SNX29: variants seen among roughly 807,000 people sequenced by gnomAD.
SNX29 encodes sorting nexin 29, also known as sorting nexin-29.
In SNX29, 78 loss-of-function variants were observed where a neutral mutation model predicts 102.1. That is an observed-to-expected ratio of 0.76 (90% CI 0.64 to 0.92). SNX29 has a LOEUF of 0.92. Among genes scored for constraint, SNX29 ranks in the 40% least tolerant of loss-of-function variants. SNX29 has a pLI of 0.00. For synonymous variants in SNX29, 580 were observed against 414.5 expected (o/e 1.40, Z -4.85); for missense variants, 1,280 against 1,061.7 (o/e 1.21, Z -2.86).
At chr16:12,535,901 G>A (rs1324328018) in intron 20 of SNX29, among the ~76,000 whole-genome samples, 12 of 152,158 alleles carry the variant, frequency 7.9e-5, no homozygotes, top group Non-Finnish European at 5.9e-5. Context: ...CCTTCTTTGA[G>A]GTTAATTGAA....
chr16:12,232,205 T>C (rs1013888649), intron 14 of SNX29, among the ~76,000 whole-genome samples: 13 of 152,154 alleles, frequency 8.5e-5, no homozygotes, highest in Admixed American at 1.3e-4. Flanking sequence ...GAAGATGCAT[T>C]TGTAGGCCAT....
At chr16:12,023,482 G>A (rs1034514894) in intron 3 of SNX29, among the ~76,000 whole-genome samples, 11 of 151,142 alleles carry the variant, frequency 7.3e-5, no homozygotes, top group Non-Finnish European at 1.5e-4. Context: ...GTAGGCTGAG[G>A]TGGGAGGATC....
chr16:12,069,123 T>C lies in SNX29; in HGVS notation c.1310T>C (p.Leu437Pro). ...GACCACGTTCTCCCAGATCCTGGACTTCGGTACAGGTTAATATTGAGAAAC... is the reference window on the plus strand; with the variant it reads ...GACCACGTTCTCCCAGATCCTGGACCTCGGTACAGGTTAATATTGAGAAAC... ...PEDHVLPDPG[L>P]RYSVEASSPG... Residue 437 changes from leucine (L) to proline (P), a missense_variant, in exon 10 of 21, where the codon CTT becomes CCT. Transcript: ENST00000566228. 2 of 1,613,328 alleles carry C rather than the reference T, an allele frequency of 1.2e-6. No homozygotes were observed. Among genetic ancestry groups the C allele is most frequent in the Admixed American group, 1.7e-5 (1 of 59,968 alleles).
chr16:12,481,469 C>CAT (rs917444093), intron 19 of SNX29, among the ~76,000 whole-genome samples: 1 of 90,072 alleles, frequency 1.1e-5, no homozygotes, highest in Non-Finnish European at 2.6e-5. Flanking sequence ...TATATATACA[C>CAT]ATATATACAC....
chr16:12,291,252 C>T (rs901247290), intron 15 of SNX29, among the ~76,000 whole-genome samples: 2 of 152,162 alleles, frequency 1.3e-5, no homozygotes, highest in Admixed American at 1.3e-4. Context: ...AATGGACTCA[C>T]AGTTCCACAT....
Position 11,999,161 on chromosome 16 carries a change from C to G in SNX29, c.8-136C>G, listed in dbSNP as rs971692533. ...GCAGTAACAGGCAATAGCCAAACTT[C>G]ATTGTAATGATACAGATTATTGATA... On this transcript the variant is annotated intron_variant, in intron 1 of 20. Transcript: ENST00000566228. 5 of 740,030 alleles carry G rather than the reference C, an allele frequency of 6.8e-6. No homozygotes were observed. In the African/African-American group the frequency reaches 8.9e-5, roughly 13 times the overall value. 45.8% of individuals were successfully genotyped at this position (740,030 alleles called of 1,614,324 possible).
chr16:12,040,776 G>A (rs1348644587), intron 4 of SNX29, among the ~76,000 whole-genome samples: 1 of 152,164 alleles, frequency 6.6e-6, no homozygotes, highest in Non-Finnish European at 1.5e-5. Context: ...AATGAATCAG[G>A]ATACAAAATT....
chr16:12,011,426 C>T (rs1044289025), intron 3 of SNX29, among the ~76,000 whole-genome samples: 2 of 151,764 alleles, frequency 1.3e-5, no homozygotes, highest in African/African-American at 4.8e-5. Flanking sequence ...AGGGGTGTGT[C>T]ACCACACCCA....
At chr16:12,480,155 T>G (rs964631380) in intron 19 of SNX29, among the ~76,000 whole-genome samples, 10 of 152,230 alleles carry the variant, frequency 6.6e-5, no homozygotes, top group African/African-American at 2.4e-4. Flanking sequence ...CTCTTACTGC[T>G]GTCACAAATC....
At chr16:12,504,678 A>T (rs1357772617) in intron 19 of SNX29, among the ~76,000 whole-genome samples, 1 of 152,220 alleles carries the variant, frequency 6.6e-6, no homozygotes, top group Admixed American at 6.5e-5. Context: ...TTTTATTGTA[A>T]TATATCGTTA....
intron 1 of SNX29, among the ~76,000 whole-genome samples, chr16:11,995,435 C>G (rs887874828): frequency 2.0e-5 from 3 of 152,094 alleles, no homozygotes; most frequent in Non-Finnish European, 4.4e-5. Flanking sequence ...TCAAGATTAT[C>G]TCACTTGACA....
chr16:12,286,399 G>A (rs1042232365), intron 15 of SNX29, among the ~76,000 whole-genome samples: 5 of 148,534 alleles, frequency 3.4e-5, no homozygotes, highest in Non-Finnish European at 7.4e-5. Context: ...AGGCTGGAGT[G>A]CAGTGGTGTG....
chr16:12,509,788 C>CACATGAGTGGCG (rs2089528614), intron 19 of SNX29, among the ~76,000 whole-genome samples: 1 of 152,136 alleles, frequency 6.6e-6, no homozygotes, highest in Non-Finnish European at 1.5e-5. Flanking sequence ...ATAGATCCAC[C>CACATGAGTGGCG]CCTCCATTCC....
At chr16:12,068,227 A>C (rs1438925155) in intron 9 of SNX29, among the ~76,000 whole-genome samples, 2 of 152,124 alleles carry the variant, frequency 1.3e-5, no homozygotes, top group East Asian at 3.9e-4. Context: ...CTGTAATCCC[A>C]GCACTTTGGG....
At chr16:12,467,066 A>G (rs2087088477) in intron 18 of SNX29, among the ~76,000 whole-genome samples, 1 of 152,166 alleles carries the variant, frequency 6.6e-6, no homozygotes, top group Non-Finnish European at 1.5e-5. Context: ...AGTGATGCGA[A>G]GATGTGGGCC....
At chr16:12,482,643 T>C (rs1344991218) in intron 19 of SNX29, among the ~76,000 whole-genome samples, 1 of 152,228 alleles carries the variant, frequency 6.6e-6, no homozygotes, top group East Asian at 1.9e-4. Context: ...TCTTAAGCCT[T>C]GAACCCATTA....
chr16:12,377,770 T>C (rs1383425557), intron 16 of SNX29, among the ~76,000 whole-genome samples: 2 of 152,102 alleles, frequency 1.3e-5, no homozygotes, highest in African/African-American at 2.4e-5. Flanking sequence ...ATTTAGCCCA[T>C]GTGTGTTGAG....
chr16:12,572,224 T>C lies in SNX29; in HGVS notation c.*3595T>C, dbSNP rs953568173. On this transcript the variant is annotated 3_prime_UTR_variant, in exon 21 of 21. Transcript: ENST00000566228. The stretch of plus-strand genomic sequence containing the variant: ...TTGTGCTTTAAAAACCAGAGGCTCC[T>C]GAAAGTCGTTTACACCAGGTGGATT... The C allele has an allele frequency of 2.0e-6, 2 of 1,016,872 alleles. No homozygotes were observed. The highest frequency in any genetic ancestry group is 1.0e-4 in the East Asian group (2 of 19,482). 63.0% of individuals were successfully genotyped at this position (1,016,872 alleles called of 1,614,324 possible).
Position 12,329,894 on chromosome 16 carries a change from C to T in SNX29, c.1783-26269C>T, listed in dbSNP as rs141298428. 9.2e-5 allele frequency among the ~76,000 whole-genome samples: 14 copies of T among 152,236 alleles called. No individual in the cohort carries two copies. The East Asian group carries it at 1.7e-3, about 19-fold the overall frequency. ...GTTTTTTTCTGAAGGGACTAAGACG[C>T]GTTAACAGTTATTTATACCCTGTCT... is the stretch of plus-strand genomic sequence containing the variant. On this transcript the variant is annotated intron_variant, in intron 15 of 20. Transcript: ENST00000566228.
Sources: allele counts gnomAD v4.1 joint callset (sites outside exome capture counted in the v4.1 genomes callset), GRCh38; gene constraint gnomAD v4.1.1; transcripts MANE v1.5; gene names NCBI Gene and HGNC (gene_info 2026-07-23, HGNC 2026-07-21).